The following GYS1 variants were observed in gnomAD, a reference collection of about 807,000 sequenced individuals.
The protein encoded by GYS1 is glycogen synthase 1, also known as glycogen [starch] synthase, muscle.
A neutral mutation model predicts 89.1 loss-of-function variants in GYS1; 60 were observed. The observed-to-expected ratio is 0.67, with a 90% confidence interval of 0.55 to 0.84. The LOEUF is 0.84. Among genes scored for constraint, GYS1 ranks in the 40% least tolerant of loss-of-function variants. The pLI is 0.00. For synonymous variants in GYS1, 366 were observed against 401.7 expected, an observed-to-expected ratio of 0.91 and a Z score of 1.06; for missense variants, 888 against 1,003.1, an observed-to-expected ratio of 0.89 and a Z score of 1.55.
intron 2 of GYS1, among the ~76,000 whole-genome samples, chr19:48,990,523 C>T (rs550694972): frequency 6.6e-6 from 1 of 152,192 alleles, no homozygotes; most frequent in African/African-American, 2.4e-5. Context: ...CCCTCACTCT[C>T]CAAGCTTGGC....
Position 48,993,246 on chromosome 19 carries a change from T to C in GYS1, c.-134A>G, listed in dbSNP as rs1161063310. On this transcript the variant is annotated 5_prime_UTR_variant, in exon 1 of 16. Coordinates refer to ENST00000323798, the MANE Select transcript of GYS1 (RefSeq NM_002103.5). ...AGCTTGCAAGACGCTCGGCTTCCTA[T>C]TGCAAGACCGCACCCCTGCCCCGAA... 1.2e-5 allele frequency: 9 copies of C among 753,372 alleles called. No homozygotes were observed. Among genetic ancestry groups the C allele is most frequent in the Non-Finnish European group, 2.2e-5 (9 of 412,112 alleles). The allele number at this position is 753,372 out of a possible 1,614,324, so 46.7% of individuals were successfully genotyped here. A position where few individuals can be genotyped will look rare whatever the true frequency, so the allele number is the denominator to read the frequency against.
chr19:48,969,666 A>G, intron 15 of GYS1, 55 bp from the exon 16 acceptor site: 1 of 1,576,304 alleles, frequency 6.3e-7, no homozygotes, highest in Non-Finnish European at 8.6e-7. Context: ...TCACAGTCCC[A>G]CCCAGGCATC....
Position 48,974,584 on chromosome 19 carries a change from G to A in GYS1, c.1422+36C>T, listed in dbSNP as rs1344003227. Reference sequence around the variant, plus strand: ...GCCCAGGACCCAACCCCTTCCCTCTGCCGTGCCCAACCCAGCCCTGACCAA... The same window carrying A: ...GCCCAGGACCCAACCCCTTCCCTCTACCGTGCCCAACCCAGCCCTGACCAA... On this transcript the variant is annotated intron_variant, in intron 11 of 15. Transcript: ENST00000323798. 2.8e-6 allele frequency: 4 copies of A among 1,417,242 alleles called. No homozygotes were observed. In the Admixed American group the frequency reaches 6.7e-5, roughly 24 times the overall value. The allele number at this position is 1,417,242 out of a possible 1,614,324, so 87.8% of individuals were successfully genotyped here.
At chr19:48,971,239 C>T (rs891643868) in intron 12 of GYS1, among the ~76,000 whole-genome samples, 1 of 152,160 alleles carries the variant, frequency 6.6e-6, no homozygotes, top group Non-Finnish European at 1.5e-5. Context: ...GCTCTTGCTC[C>T]AAGATGCGGG....
chr19:48,970,780 A>G (rs2038552139), intron 13 of GYS1, 71 bp from the exon 14 acceptor site: 1 of 1,512,238 alleles, frequency 6.6e-7, no homozygotes, highest in Admixed American at 1.7e-5. Context: ...ACTCTGTGGC[A>G]CCAGGACCCC....
In GYS1 at chr19:48,981,609, C is replaced by A; in HGVS notation, c.1090G>T (p.Ala364Ser). Reference protein sequence around the residue: ...RVNGSEQTVVAFFIMPARTNN... With the variant: ...RVNGSEQTVVSFFIMPARTNN... ...GTCCGCGCTGGCATGATGAAGAAGGCAACCACTGTCTGCTCGCTGCCGTTC... is the reference window on the plus strand; with the variant it reads ...GTCCGCGCTGGCATGATGAAGAAGGAAACCACTGTCTGCTCGCTGCCGTTC... Residue 364 changes from alanine (A) to serine (S), a missense_variant, in exon 8 of 16, where the codon GCC becomes TCC. Coordinates refer to ENST00000323798, the MANE Select transcript of GYS1 (RefSeq NM_002103.5). 1 of 1,612,834 alleles carries A rather than the reference C, an allele frequency of 6.2e-7. No homozygotes were observed. Among genetic ancestry groups the A allele is most frequent in the South Asian group, 1.1e-5 (1 of 91,050 alleles).
rs1347754924 is a variant in GYS1, at chr19:48,991,133, A to G, written c.300+169T>C. Among the ~76,000 whole-genome samples the G allele has an allele frequency of 6.6e-6, 1 of 151,896 alleles. No homozygotes were observed. The highest frequency in any genetic ancestry group is 2.4e-5 in the African/African-American group (1 of 41,354). On this transcript the variant is annotated intron_variant, in intron 2 of 15. Coordinates refer to ENST00000323798, the MANE Select transcript of GYS1 (RefSeq NM_002103.5). This position sits in a 1 kb window ranked among gnomAD's most constrained non-coding sequence, Gnocchi z 4.7. The stretch of plus-strand genomic sequence containing the variant: ...GCCCATGTCTGGGATCCACCCACCC[A>G]CTTCCAGGCCCTGCATCTGTCTGGG...
At chr19:48,978,037 G>C in intron 9 of GYS1, 35 bp from the exon 10 acceptor site, 1 of 1,608,346 alleles carries the variant, frequency 6.2e-7, no homozygotes, top group Non-Finnish European at 8.5e-7. Flanking sequence ...TGTGAGAACG[G>C]AGTAATGAGA....
At position 48,989,864 on chromosome 19, in the gene GYS1, G is replaced by C. The variant is rs1400783242; in HGVS notation, c.300+1438C>G. Among the ~76,000 whole-genome samples, 5 of 152,190 alleles carry C rather than the reference G, an allele frequency of 3.3e-5. No individual in the cohort carries two copies. The East Asian group carries it at 5.8e-4, about 18-fold the overall frequency. ...TCCAGTTGGCTGTTTTCCTCCCTGA[G>C]ACCATGGCTTTGGTTCTGGGCCTGC... On this transcript the variant is annotated intron_variant, in intron 2 of 15. Coordinates refer to ENST00000323798, the MANE Select transcript of GYS1 (RefSeq NM_002103.5).
At chr19:48,986,700 C>T (rs988089781) in intron 3 of GYS1, among the ~76,000 whole-genome samples, 4 of 151,934 alleles carry the variant, frequency 2.6e-5, no homozygotes, top group South Asian at 2.1e-4. Context: ...TTAGTAAAGA[C>T]GAGGTTTGGC....
At position 48,993,002 on chromosome 19, in the gene GYS1, A is replaced by C; in HGVS notation, c.111T>G (p.Ala37=). The part of the protein sequence containing the change: ...AVLFEVAWEV[A]NKVGGIYTVL... The stretch of plus-strand genomic sequence containing the variant: ...GACGCCTGGCGTGCTCACCCTTGTT[A>C]GCCACCTCCCAGGCCACTTCGAAGA... Residue 37 remains alanine (A), a synonymous_variant, in exon 1 of 16, where the codon GCT becomes GCG. Transcript: ENST00000323798. The C allele has an allele frequency of 1.3e-6, 2 of 1,594,654 alleles. No individual in the cohort carries two copies. The highest frequency in any genetic ancestry group is 1.7e-6 in the Non-Finnish European group (2 of 1,162,336).
chr19:48,969,059 G>A lies in GYS1; in HGVS notation c.*229C>T, dbSNP rs920764718. On this transcript the variant is annotated 3_prime_UTR_variant, in exon 16 of 16. Coordinates refer to ENST00000323798, the MANE Select transcript of GYS1 (RefSeq NM_002103.5). ...GTCCAGGCCCAGGGGACTCCAGGGC[G>A]CTGATTATGCATATTCTGGAGCCAG... The A allele has an allele frequency of 2.7e-4, 175 of 648,240 alleles. No individual in the cohort carries two copies. Among genetic ancestry groups the A allele is most frequent in the Non-Finnish European group, 3.1e-4 (113 of 361,772 alleles). 40.2% of individuals were successfully genotyped at this position (648,240 alleles called of 1,614,324 possible).
intron 10 of GYS1, among the ~76,000 whole-genome samples, chr19:48,977,515 C>G (rs1423606790): frequency 6.6e-6 from 1 of 152,128 alleles, no homozygotes; most frequent in African/African-American, 2.4e-5. Context: ...ATTGCTTGAA[C>G]CCAGGAGGCA....
At position 48,982,260 on chromosome 19, in the gene GYS1, G is replaced by A. The variant is rs761016746; in HGVS notation, c.1057C>T (p.Leu353Phe). The change falls in exon 7 of 16, where the codon CTC becomes TTC. Residue 353 changes from leucine to phenylalanine, a missense_variant. Leu to Phe is a conservative substitution (Grantham distance 22). Coordinates refer to ENST00000323798, the MANE Select transcript of GYS1 (RefSeq NM_002103.5). ...CCTCATAGCCCAGGCCTCACTCTGAGCAGATAGTTGAGCCGAGCCAATGCC... is the reference window on the plus strand; with the variant it reads ...CCTCATAGCCCAGGCCTCACTCTGAACAGATAGTTGAGCCGAGCCAATGCC... ...LEALARLNYL[L>F]RVNGSEQTVV... 5.6e-6 allele frequency: 9 copies of A among 1,613,670 alleles called. No homozygotes were observed. In the African/African-American group the frequency reaches 1.1e-4, roughly 19 times the overall value.
chr19:48,983,362 A>G (rs749201947), intron 5 of GYS1, among the ~76,000 whole-genome samples: 3 of 152,178 alleles, frequency 2.0e-5, no homozygotes, highest in Admixed American at 2.0e-4. Flanking sequence ...TTAGGTTCAC[A>G]AGCACAAGTA....
intron 10 of GYS1, among the ~76,000 whole-genome samples, chr19:48,976,290 A>G (rs1213302066): frequency 6.6e-6 from 1 of 152,118 alleles, no homozygotes; most frequent in African/African-American, 2.4e-5. Context: ...TGGCTCCCCA[A>G]TGTAGACCAC....
chr19:48,972,592 C>T (rs1276418539), intron 12 of GYS1, among the ~76,000 whole-genome samples: 3 of 152,040 alleles, frequency 2.0e-5, no homozygotes, highest in Admixed American at 2.0e-4. Context: ...GATTCTCCCA[C>T]CTCAACTTCC....
chr19:48,977,686 C>G (rs1267200389), intron 10 of GYS1, among the ~76,000 whole-genome samples: 1 of 152,172 alleles, frequency 6.6e-6, no homozygotes, highest in Non-Finnish European at 1.5e-5. Flanking sequence ...CACGTCCCAG[C>G]AACCCTCGTG....
intron 8 of GYS1, among the ~76,000 whole-genome samples, chr19:48,979,709 C>T (rs183897927): frequency 5.5e-5 from 8 of 146,216 alleles, no homozygotes; most frequent in African/African-American, 1.3e-4. Context: ...TGCATTGGCG[C>T]GATCTTGGCT....
Sources: allele counts gnomAD v4.1 joint callset (sites outside exome capture counted in the v4.1 genomes callset), GRCh38; gene constraint gnomAD v4.1.1; non-coding constraint Gnocchi (gnomAD v3.1); transcripts MANE v1.5; gene names NCBI Gene and HGNC (gene_info 2026-07-23, HGNC 2026-07-21).